Variants in FRAS1 observed in about 807,000 individuals in gnomAD.
FRAS1 encodes Fraser extracellular matrix complex subunit 1, also known as extracellular matrix organizing protein FRAS1.
In FRAS1, 290 loss-of-function variants were observed where a neutral mutation model predicts 435.2. The observed-to-expected ratio is 0.67, with a 90% CI of 0.61 to 0.73. FRAS1 has a LOEUF of 0.73. Ranked by LOEUF, FRAS1 falls within the 30% of genes least tolerant of loss-of-function variation. FRAS1 has a pLI of 0.00. For synonymous variants in FRAS1, 1,800 were observed against 1,851.0 expected, an observed-to-expected ratio of 0.97 and a Z score of 0.71; for missense variants, 4,860 against 5,001.5, an observed-to-expected ratio of 0.97 and a Z score of 0.85.
Position 78,057,853 on chromosome 4 carries a change from C to A in FRAS1, c.-157C>A. 1 of 644,036 alleles carries A rather than the reference C, an allele frequency of 1.6e-6. No homozygotes were observed. Among genetic ancestry groups the A allele is most frequent in the Non-Finnish European group, 2.7e-6 (1 of 369,512 alleles). The allele number at this position is 644,036 out of a possible 1,614,324, so 39.9% of individuals were successfully genotyped here. A position where few individuals can be genotyped will look rare whatever the true frequency, so the allele number is the denominator to read the frequency against. On this transcript the variant is annotated 5_prime_UTR_variant, in exon 1 of 74. Transcript: ENST00000512123. This position sits in a 1 kb window ranked among gnomAD's most constrained non-coding sequence, Gnocchi z 4.2. Reference sequence around the variant, plus strand: ...CCGGCGCCTCCGGGCTGATGAGTGTCGCTCTCCGCCCGTCCATCTCTTTTT... The same window carrying A: ...CCGGCGCCTCCGGGCTGATGAGTGTAGCTCTCCGCCCGTCCATCTCTTTTT...
intron 61 of FRAS1, among the ~76,000 whole-genome samples, chr4:78,501,873 T>C (rs1720693182): frequency 6.6e-6 from 1 of 152,220 alleles, no homozygotes; most frequent in Non-Finnish European, 1.5e-5. Context: ...TTTAAGTCTT[T>C]AATCCACCTT....
At chr4:78,163,277 A>G (rs1410589043) in intron 2 of FRAS1, among the ~76,000 whole-genome samples, 1 of 152,214 alleles carries the variant, frequency 6.6e-6, no homozygotes, top group Non-Finnish European at 1.5e-5. Context: ...GATTGTAGAT[A>G]TACAACTCCA....
At chr4:78,460,070 G>T (rs1719322350) in intron 47 of FRAS1, among the ~76,000 whole-genome samples, 1 of 152,194 alleles carries the variant, frequency 6.6e-6, no homozygotes, top group Non-Finnish European at 1.5e-5. Flanking sequence ...AAATCCTGAA[G>T]CAAGAAGGCT....
chr4:78,256,624 A>C (rs926630600), intron 6 of FRAS1, among the ~76,000 whole-genome samples: 1 of 152,244 alleles, frequency 6.6e-6, no homozygotes. Flanking sequence ...ACTGTTTCTC[A>C]TATTTAAAAT....
At chr4:78,142,314 A>G (rs1720228536) in intron 2 of FRAS1, among the ~76,000 whole-genome samples, 2 of 152,016 alleles carry the variant, frequency 1.3e-5, no homozygotes, top group African/African-American at 4.8e-5. Flanking sequence ...GTTTGGAATT[A>G]CTGGTGCCCT....
intron 2 of FRAS1, among the ~76,000 whole-genome samples, chr4:78,128,406 C>T (rs1333836947): frequency 6.6e-6 from 1 of 152,198 alleles, no homozygotes; most frequent in African/African-American, 2.4e-5. Flanking sequence ...ACATCCTCTC[C>T]AGCACCTGTT....
intron 60 of FRAS1, among the ~76,000 whole-genome samples, chr4:78,499,053 C>A (rs1720597058): frequency 6.6e-6 from 1 of 151,966 alleles, no homozygotes; most frequent in South Asian, 2.1e-4. Flanking sequence ...CACTATGTTG[C>A]CCAGGTTGAA....
intron 2 of FRAS1, among the ~76,000 whole-genome samples, chr4:78,098,636 A>G (rs927737686): frequency 1.3e-5 from 2 of 152,128 alleles, no homozygotes; most frequent in African/African-American, 4.8e-5. Flanking sequence ...TTCCTTCTGC[A>G]CCAGAGAAAG....
At chr4:78,481,679 A>G (rs2109859266) in intron 56 of FRAS1, 125 bp from the exon 57 acceptor site, 1 of 990,008 alleles carries the variant, frequency 1.0e-6, no homozygotes, top group Non-Finnish European at 1.6e-6. Context: ...CACTGAAGCT[A>G]GATTAGAAAA....
chr4:78,218,727 C>A (rs573975133), intron 2 of FRAS1, among the ~76,000 whole-genome samples: 6 of 152,306 alleles, frequency 3.9e-5, no homozygotes, highest in African/African-American at 1.4e-4. Context: ...CAGCACTGTT[C>A]CAAACCCAGA....
At chr4:78,378,389 T>G (rs1341242796) in intron 26 of FRAS1, among the ~76,000 whole-genome samples, 1 of 152,200 alleles carries the variant, frequency 6.6e-6, no homozygotes, top group Admixed American at 6.5e-5. Flanking sequence ...TATGAACATT[T>G]GTGTACAAGT....
At chr4:78,403,043 A>G (rs1285431090) in intron 30 of FRAS1, among the ~76,000 whole-genome samples, 2 of 152,042 alleles carry the variant, frequency 1.3e-5, no homozygotes, top group Non-Finnish European at 2.9e-5. Context: ...TAAAGTTACT[A>G]TTTTTCCATT....
chr4:78,386,992 A>G (rs1166259645), intron 28 of FRAS1, among the ~76,000 whole-genome samples: 4 of 152,192 alleles, frequency 2.6e-5, no homozygotes, highest in African/African-American at 9.7e-5. Context: ...TCAGTATACC[A>G]CAACATGGCC....
rs547320037 is a variant in FRAS1, at chr4:78,118,229, A to T, written c.108+52213A>T. Among the ~76,000 whole-genome samples the T allele has an allele frequency of 2.0e-5, 3 of 152,318 alleles. No homozygotes were observed. In the East Asian group the frequency reaches 5.8e-4, roughly 29 times the overall value. The stretch of plus-strand genomic sequence containing the variant: ...GGAGTACCCGGCCATGTGAGGTGTC[A>T]GTCTGCCCCTACTGGGGGGTGCCTC... On this transcript the variant is annotated intron_variant, in intron 2 of 73. Coordinates refer to ENST00000512123, the MANE Select transcript of FRAS1 (RefSeq NM_025074.7).
rs1342974250 is a variant in FRAS1 at position 78,422,219 on chromosome 4, T to A, written c.4678+219T>A. On this transcript the variant is annotated intron_variant, in intron 34 of 73. Transcript: ENST00000512123. ...TGCATTGAGGCATACTTTCAGTAAA[T>A]CTTTATTTTGTCCCTCCTATGTGCC... Among the ~76,000 whole-genome samples, 3 of 151,934 alleles carry A rather than the reference T, an allele frequency of 2.0e-5. No homozygotes were observed. The East Asian group carries it at 5.8e-4, about 29-fold the overall frequency.
rs1214896283 is a variant in FRAS1 at position 78,359,024 on chromosome 4, C to T, written c.2423-4489C>T. ...TGTCATCGTTAGTAGTTATTGACCC[C>T]GAACTACCATGCTGAGGGTGATTTT... On this transcript the variant is annotated intron_variant, in intron 20 of 73. Transcript: ENST00000512123. 3.3e-5 allele frequency among the ~76,000 whole-genome samples: 5 copies of T among 152,226 alleles called. No homozygotes were observed. In the East Asian group the frequency reaches 5.8e-4, roughly 18 times the overall value.
At chr4:78,373,943 A>G (rs1731613124) in intron 24 of FRAS1, among the ~76,000 whole-genome samples, 168 bp from the exon 25 acceptor site, 1 of 152,112 alleles carries the variant, frequency 6.6e-6, no homozygotes, top group Non-Finnish European at 1.5e-5. Context: ...CCCAGCTGGT[A>G]AGTATCATAG....
At chr4:78,067,490 T>A (rs554475988) in intron 2 of FRAS1, among the ~76,000 whole-genome samples, 14 of 152,072 alleles carry the variant, frequency 9.2e-5, no homozygotes, top group African/African-American at 2.9e-4. Context: ...CCCAGCCAAC[T>A]TGAATTTATT....
chr4:78,515,596 C>T (rs796284933), intron 65 of FRAS1, among the ~76,000 whole-genome samples: 1 of 151,190 alleles, frequency 6.6e-6, no homozygotes, highest in African/African-American at 2.5e-5. Flanking sequence ...GTCCTCCATT[C>T]AACACCTGGC....
Sources: allele counts gnomAD v4.1 joint callset (sites outside exome capture counted in the v4.1 genomes callset), GRCh38; gene constraint gnomAD v4.1.1; non-coding constraint Gnocchi (gnomAD v3.1); transcripts MANE v1.5; gene names NCBI Gene and HGNC (gene_info 2026-07-23, HGNC 2026-07-21).